EPB41L2: variants seen among roughly 807,000 people sequenced by gnomAD.
EPB41L2 encodes band 4.1-like protein 2.
EPB41L2 carries 43 observed loss-of-function variants against 113.0 expected under a neutral mutation model. That is an observed-to-expected ratio of 0.38 (90% confidence interval 0.30 to 0.49). The LOEUF is 0.49. Among genes scored for constraint, EPB41L2 ranks in the 20% least tolerant of loss-of-function variants. EPB41L2 has a pLI of 0.95. For missense variants in EPB41L2, 1,147 were observed against 1,223.4 expected, an observed-to-expected ratio of 0.94 and a Z score of 0.93; for synonymous variants, 442 against 436.7, an observed-to-expected ratio of 1.01 and a Z score of -0.15.
chr6:130,875,334 A>G (rs1055253959), intron 14 of EPB41L2, among the ~76,000 whole-genome samples: 3 of 152,028 alleles, frequency 2.0e-5, no homozygotes, highest in Admixed American at 2.0e-4. Flanking sequence ...TTCTGCCACT[A>G]CTCACCTTCA....
At chr6:130,914,609 G>A (rs1198800349) in intron 4 of EPB41L2, among the ~76,000 whole-genome samples, 11 of 152,168 alleles carry the variant, frequency 7.2e-5, no homozygotes, top group Admixed American at 7.2e-4. Flanking sequence ...CTCCAGGGAA[G>A]GAACTCAGGA....
rs34763200 is a variant in EPB41L2 at position 130,955,326 on chromosome 6, G to GA, written c.493-10dup. 159 of 1,600,792 alleles carry GA rather than the reference G, an allele frequency of 9.9e-5. No homozygotes were observed. The highest frequency in any genetic ancestry group is 5.0e-4 in the Middle Eastern group (3 of 6,012). On this transcript the variant is annotated splice_polypyrimidine_tract_variant and intron_variant, in intron 2 of 19. Transcript: ENST00000337057. Reference sequence around the variant, plus strand: ...CTTACTAATTCAGTAGGCTGTTGAGGAAAAAAAAATAAATTCATACTATAG... The same window carrying GA: ...CTTACTAATTCAGTAGGCTGTTGAGGAAAAAAAAAATAAATTCATACTATAG...
rs200522047 is a variant in EPB41L2 at position 131,048,138 on chromosome 6, CAAAAAAA to C, written c.-15+15010_-15+15016del. Among the ~76,000 whole-genome samples, 97 of 53,032 alleles carry C rather than the reference CAAAAAAA, an allele frequency of 1.8e-3. 1 individual carries two copies. Among genetic ancestry groups the C allele is most frequent in the African/African-American group, 4.4e-3 (78 of 17,914 alleles). 34.8% of individuals were successfully genotyped at this position (53,032 alleles called of 152,430 possible). On this transcript the variant is annotated intron_variant, in intron 1 of 19. Transcript: ENST00000337057. The stretch of plus-strand genomic sequence containing the variant: ...TGGGCGACAGAGCAAGACTCTGTCT[CAAAAAAA>C]AAAAAAAAAAAAGAAAAAAAGAAAA...
intron 1 of EPB41L2, among the ~76,000 whole-genome samples, chr6:130,960,172 TCA>T (rs1346223120): frequency 6.6e-6 from 1 of 152,124 alleles, no homozygotes; most frequent in Non-Finnish European, 1.5e-5. Flanking sequence ...ATACCTTCCC[TCA>T]CACACACTTC....
At position 130,890,475 on chromosome 6, in the gene EPB41L2, G is replaced by GAAA; in HGVS notation, c.1488-10_1488-9insTTT. ...GCTCTGGAGAAACAAGCCTATGGGAGGAAAAAAAAAAAAAAAGAGAGAGAG... is the reference window on the plus strand; with the variant it reads ...GCTCTGGAGAAACAAGCCTATGGGAGAAAGAAAAAAAAAAAAAAAGAGAGAGAG... On this transcript the variant is annotated splice_polypyrimidine_tract_variant and intron_variant, in intron 10 of 19. Transcript: ENST00000337057. 3.4e-6 allele frequency: 4 copies of GAAA among 1,179,812 alleles called. No homozygotes were observed. The highest frequency in any genetic ancestry group is 4.2e-5 in the Admixed American group (1 of 24,086). The allele number at this position is 1,179,812 out of a possible 1,614,324, so 73.1% of individuals were successfully genotyped here.
intron 9 of EPB41L2, 77 bp from the exon 10 acceptor site, chr6:130,894,518 A>G (rs1268329351): frequency 7.7e-7 from 1 of 1,297,230 alleles, no homozygotes; most frequent in Non-Finnish European, 1.1e-6. Context: ...ATGCATTCAG[A>G]TGTTTCTGTG....
chr6:131,018,769 T>C (rs1788803156), intron 1 of EPB41L2, among the ~76,000 whole-genome samples: 1 of 152,180 alleles, frequency 6.6e-6, no homozygotes, highest in African/African-American at 2.4e-5. Context: ...CAGTGGATGT[T>C]TACCCCATTT....
At chr6:131,062,350 A>AG (rs1798836500) in intron 1 of EPB41L2, 1 of 151,910 alleles carries the variant, frequency 6.6e-6, no homozygotes, top group Non-Finnish European at 1.5e-5. Context: ...GCGCTCCTTT[A>AG]GGTTCTCCTC....
intron 15 of EPB41L2, chr6:130,867,844 G>T: frequency 2.7e-6 from 1 of 372,958 alleles, no homozygotes. Context: ...ACACATATAT[G>T]AAAAATAAGT....
intron 1 of EPB41L2, among the ~76,000 whole-genome samples, chr6:130,958,158 AAC>A (rs1818085828): frequency 1.3e-5 from 2 of 152,112 alleles, no homozygotes; most frequent in Non-Finnish European, 1.5e-5. Context: ...TTGCACAAAA[AAC>A]ACAGGACTAG....
At chr6:130,894,900 G>T (rs1228015912) in intron 9 of EPB41L2, 67 bp downstream of exon 9, 1 of 1,437,422 alleles carries the variant, frequency 7.0e-7, no homozygotes, top group Non-Finnish European at 9.3e-7. Flanking sequence ...TAATAGAAAA[G>T]AATTTTTAAA....
chr6:130,950,935 C>G (rs1207697074), intron 3 of EPB41L2, among the ~76,000 whole-genome samples: 1 of 152,032 alleles, frequency 6.6e-6, no homozygotes, highest in African/African-American at 2.4e-5. Flanking sequence ...ACCACCTACT[C>G]ATGAGTAAGT....
chr6:131,019,147 T>C (rs1041615369), intron 1 of EPB41L2, among the ~76,000 whole-genome samples: 2 of 152,200 alleles, frequency 1.3e-5, no homozygotes, highest in African/African-American at 2.4e-5. Context: ...TTGTGGACAA[T>C]GAACATTTCT....
intron 1 of EPB41L2, among the ~76,000 whole-genome samples, chr6:131,023,000 T>G (rs1789866103): frequency 1.3e-5 from 2 of 152,310 alleles, no homozygotes; most frequent in Middle Eastern, 6.8e-3. Context: ...CCTACAATAT[T>G]GCTTGGCATC....
chr6:130,987,677 A>G (rs1780882092), intron 1 of EPB41L2, among the ~76,000 whole-genome samples: 1 of 149,770 alleles, frequency 6.7e-6, no homozygotes, highest in Non-Finnish European at 1.5e-5. Context: ...TGGGCAACAG[A>G]GCAAGACTCT....
At chr6:131,061,134 A>C (rs1528863) in intron 1 of EPB41L2, among the ~76,000 whole-genome samples, 8,982 of 152,236 alleles carry the variant, frequency 0.059, 832 homozygotes, top group African/African-American at 0.2. Context: ...AAGAACTGTT[A>C]TGACTAAGTC....
intron 1 of EPB41L2, among the ~76,000 whole-genome samples, chr6:130,964,199 T>G (rs369209186): frequency 2.5e-4 from 38 of 152,140 alleles, no homozygotes; most frequent in African/African-American, 9.2e-4. Context: ...TTTTTGTATT[T>G]TTAGTAGAGA....
At chr6:131,045,709 C>G (rs565735632) in intron 1 of EPB41L2, among the ~76,000 whole-genome samples, 2 of 152,278 alleles carry the variant, frequency 1.3e-5, no homozygotes, top group African/African-American at 4.8e-5. Flanking sequence ...AATCTAGGAA[C>G]AGCTTACTCG....
chr6:130,994,475 A>G (rs575260707), intron 1 of EPB41L2, among the ~76,000 whole-genome samples: 21 of 152,318 alleles, frequency 1.4e-4, no homozygotes, highest in African/African-American at 4.6e-4. Context: ...TAGAAATGGA[A>G]CCAGAGGAAT....
Sources: allele counts gnomAD v4.1 joint callset (sites outside exome capture counted in the v4.1 genomes callset), GRCh38; gene constraint gnomAD v4.1.1; transcripts MANE v1.5; gene names NCBI Gene and HGNC (gene_info 2026-07-23, HGNC 2026-07-21).